Variants in ANAPC4 observed in about 807,000 individuals in gnomAD.
ANAPC4 encodes anaphase promoting complex subunit 4, also known as anaphase-promoting complex subunit 4.
Under a neutral mutation model 119.8 loss-of-function variants are expected in ANAPC4, and 63 were observed. That is an observed-to-expected ratio of 0.53 (90% CI 0.43 to 0.65). The LOEUF (loss-of-function observed/expected upper bound fraction) is 0.65. ANAPC4 is among the 30% of genes least tolerant of loss of function. ANAPC4 has a pLI of 0.00. For synonymous variants in ANAPC4, 283 were observed against 318.6 expected (o/e 0.89, Z 1.19); for missense variants, 716 against 945.1 (o/e 0.76, Z 3.18).
intron 4 of ANAPC4, among the ~76,000 whole-genome samples, chr4:25,387,974 T>C (rs1722133522): frequency 6.6e-6 from 1 of 151,782 alleles, no homozygotes; most frequent in Non-Finnish European, 1.5e-5. Flanking sequence ...AAAAAAAATG[T>C]ATATATTAGC....
intron 16 of ANAPC4, among the ~76,000 whole-genome samples, chr4:25,401,315 CAG>C (rs1411074219): frequency 6.6e-6 from 1 of 152,082 alleles, no homozygotes; most frequent in Non-Finnish European, 1.5e-5. Context: ...GAGCAGGTGC[CAG>C]AGTGTGTGGA....
At chr4:25,390,008 A>G (rs879467575) in intron 7 of ANAPC4, 128 bp from the exon 8 acceptor site, 3 of 564,070 alleles carry the variant, frequency 5.3e-6, no homozygotes, top group Non-Finnish European at 9.3e-6. Flanking sequence ...TTGATGTCTC[A>G]CTTCCCTCTG....
intron 21 of ANAPC4, chr4:25,412,875 G>A (rs1299975226): frequency 6.6e-6 from 1 of 152,152 alleles, no homozygotes; most frequent in African/African-American, 2.4e-5. Context: ...CATAGCATCT[G>A]TCACCTTGAG....
intron 16 of ANAPC4, among the ~76,000 whole-genome samples, chr4:25,399,842 T>C (rs1722859922): frequency 6.6e-6 from 1 of 152,102 alleles, no homozygotes; most frequent in Admixed American, 6.5e-5. Flanking sequence ...AGGAGTGACC[T>C]GATTTAAGAA....
intron 20 of ANAPC4, among the ~76,000 whole-genome samples, chr4:25,407,574 C>T (rs969775383): frequency 6.6e-6 from 1 of 151,598 alleles, no homozygotes; most frequent in Non-Finnish European, 1.5e-5. Context: ...TGCACTTCAC[C>T]CAGGGCGACA....
intron 3 of ANAPC4, among the ~76,000 whole-genome samples, chr4:25,381,678 G>A (rs1413170862): frequency 6.6e-6 from 1 of 152,158 alleles, no homozygotes; most frequent in Non-Finnish European, 1.5e-5. Context: ...GGTGGGGCAT[G>A]GTGGCTCACG....
chr4:25,405,315 G>A lies in ANAPC4; in HGVS notation c.1271-258G>A, dbSNP rs1014374279. Among the ~76,000 whole-genome samples the A allele has an allele frequency of 6.6e-6, 1 of 152,002 alleles. No homozygotes were observed. Among genetic ancestry groups the A allele is most frequent in the Non-Finnish European group, 1.5e-5 (1 of 68,004 alleles). ...CACAGACAGCAGTTAGATTTGTCTGGCGTGGCAACAGGTGGAATTGAAGAG... is the reference window on the plus strand; with the variant it reads ...CACAGACAGCAGTTAGATTTGTCTGACGTGGCAACAGGTGGAATTGAAGAG... On this transcript the variant is annotated intron_variant, in intron 17 of 28. Transcript: ENST00000315368. This position sits in a 1 kb window ranked among gnomAD's most constrained non-coding sequence, Gnocchi z 4.6.
chr4:25,379,487 C>T (rs112836975), intron 2 of ANAPC4, among the ~76,000 whole-genome samples: 11 of 152,304 alleles, frequency 7.2e-5, no homozygotes, highest in African/African-American at 2.2e-4. Context: ...CCTACTTCAT[C>T]TCCTAGCCCA....
intron 20 of ANAPC4, among the ~76,000 whole-genome samples, chr4:25,408,746 G>A (rs1315234811): frequency 6.6e-6 from 1 of 151,880 alleles, no homozygotes; most frequent in Non-Finnish European, 1.5e-5. Context: ...TGATACGCCT[G>A]CCATGGCCTC....
chr4:25,380,256 G>A (rs1332081387), intron 2 of ANAPC4, 118 bp from the exon 3 acceptor site: 6 of 571,660 alleles, frequency 1.0e-5, no homozygotes, highest in East Asian at 2.9e-5. Context: ...CTATTCTTCT[G>A]ATAGCTAAGT....
At chr4:25,380,609 A>G (rs943090877) in intron 3 of ANAPC4, 130 bp downstream of exon 3, 19 of 520,204 alleles carry the variant, frequency 3.7e-5, no homozygotes, top group Non-Finnish European at 5.2e-5. Flanking sequence ...GGAACTTTTT[A>G]AAAAAAATGC....
At position 25,415,505 on chromosome 4, in the gene ANAPC4, C is replaced by G. The variant is rs750853941; in HGVS notation, c.1866C>G (p.Ser622Arg). ...GACTAATTGCTATTAAATTTGGGAG[C>G]TTTACATATGCCACAACAGAAAAAG... ...SNGLIAIKFGSFTYATTEKVR... is the reference protein window; with the variant it reads ...SNGLIAIKFGRFTYATTEKVR... The change falls in exon 26 of 29, where the codon AGC becomes AGG. Residue 622 changes from serine (S) to arginine (R), a missense_variant. By Grantham distance (110) the Ser-to-Arg change is moderately radical (BLOSUM62 -1). This residue lies in a region of ANAPC4 where 504 missense variants were observed against 615.8 expected (regional missense o/e 0.82). Transcript: ENST00000315368. 2 of 1,613,052 alleles carry G rather than the reference C, an allele frequency of 1.2e-6. No homozygotes were observed. Among genetic ancestry groups the G allele is most frequent in the South Asian group, 2.2e-5 (2 of 90,978 alleles).
chr4:25,379,976 TC>T (rs1217101680), intron 2 of ANAPC4, among the ~76,000 whole-genome samples: 1 of 152,212 alleles, frequency 6.6e-6, no homozygotes, highest in East Asian at 1.9e-4. Context: ...ATGTCTAAGA[TC>T]CATGGCTAGT....
rs1200437706 is a variant in ANAPC4 at position 25,381,803 on chromosome 4, C to T, written c.235+1324C>T. ...TCTCTACTAAAAATACAAAAATTAG[C>T]CAGGCGTGGTGGTGGGCACCTGTAA... On this transcript the variant is annotated intron_variant, in intron 3 of 28. Coordinates refer to ENST00000315368, the MANE Select transcript of ANAPC4 (RefSeq NM_013367.3). 3.9e-5 allele frequency among the ~76,000 whole-genome samples: 6 copies of T among 152,176 alleles called. No individual in the cohort carries two copies. The East Asian group carries it at 1.2e-3, about 30-fold the overall frequency.
chr4:25,390,306 T>A, intron 8 of ANAPC4, 86 bp downstream of exon 8: 2 of 970,444 alleles, frequency 2.1e-6, no homozygotes, highest in Non-Finnish European at 3.0e-6. Context: ...AAACACTAGG[T>A]TTTTTTTCAG....
chr4:25,388,366 G>A (rs184103447), intron 4 of ANAPC4, 134 bp from the exon 5 acceptor site: 33 of 627,210 alleles, frequency 5.3e-5, no homozygotes, highest in African/African-American at 4.4e-4. Flanking sequence ...GACTACAACT[G>A]TATAGTATTT....
chr4:25,418,121 T>C (rs1182874411), intron 28 of ANAPC4, 34 bp from the exon 29 acceptor site: 23 of 1,568,014 alleles, frequency 1.5e-5, no homozygotes, highest in Non-Finnish European at 2.0e-5. Flanking sequence ...AAGCCATTAA[T>C]TTAAAAATGC....
In ANAPC4 at chr4:25,391,150, C is replaced by G. The variant is rs1722327039; in HGVS notation, c.705+135C>G. 8.1e-6 allele frequency: 5 copies of G among 614,254 alleles called. No homozygotes were observed. In the South Asian group the frequency reaches 1.1e-4, roughly 14 times the overall value. 38.1% of individuals were successfully genotyped at this position (614,254 alleles called of 1,614,324 possible). A position where few individuals can be genotyped will look rare whatever the true frequency, so the allele number is the denominator to read the frequency against. ...AAAAATCGACTTGGAATTTCTACAT[C>G]CTAATATACTGAGTGTTATTATAGT... On this transcript the variant is annotated intron_variant, in intron 9 of 28. Transcript: ENST00000315368.
intron 4 of ANAPC4, among the ~76,000 whole-genome samples, chr4:25,383,954 G>A (rs1290525371): frequency 6.6e-6 from 1 of 152,116 alleles, no homozygotes; most frequent in African/African-American, 2.4e-5. Flanking sequence ...CACATCAGTT[G>A]ACTCTTTCTT....
Sources: gnomAD v4.1 joint callset for allele counts (sites outside exome capture counted in the v4.1 genomes callset) on GRCh38, gnomAD v4.1.1 for gene constraint, gnomAD v4.1.1 regional missense constraint, Gnocchi (gnomAD v3.1) non-coding constraint, MANE v1.5 for transcripts, NCBI Gene and HGNC (gene_info 2026-07-23, HGNC 2026-07-21) for gene names.